Variants in SHC3 observed in about 807,000 individuals in gnomAD.
SHC3 encodes SHC-transforming protein 3.
In SHC3, 15 loss-of-function variants were observed where a neutral mutation model predicts 60.4. That is an observed-to-expected ratio of 0.25 (90% CI 0.17 to 0.38). The LOEUF (loss-of-function observed/expected upper bound fraction) is 0.38. Ranked by LOEUF, SHC3 falls within the 10% of genes least tolerant of loss-of-function variation. The pLI, the probability that SHC3 is intolerant of heterozygous loss-of-function variation, is 1.00. For synonymous variants in SHC3, 294 were observed against 325.9 expected, an observed-to-expected ratio of 0.90 and a Z score of 1.05; for missense variants, 677 against 786.1, an observed-to-expected ratio of 0.86 and a Z score of 1.66.
At chr9:89,173,896 G>A (rs725764) in intron 1 of SHC3, among the ~76,000 whole-genome samples, 18,955 of 152,016 alleles carry the variant, frequency 0.12, 1,342 homozygotes, top group Admixed American at 0.17. Context: ...AGATATTTAC[G>A]TGTAAGCCAT....
chr9:89,123,213 A>G (rs1393470102), intron 1 of SHC3, among the ~76,000 whole-genome samples: 2 of 152,240 alleles, frequency 1.3e-5, no homozygotes, highest in Non-Finnish European at 2.9e-5. Flanking sequence ...TTGTTTAAAC[A>G]TGTTGTAAAA....
intron 1 of SHC3, among the ~76,000 whole-genome samples, chr9:89,146,558 T>A (rs1826472841): frequency 6.6e-6 from 1 of 152,090 alleles, no homozygotes; most frequent in Non-Finnish European, 1.5e-5. Context: ...AGGAATAGAC[T>A]GGAAGTAAAA....
At chr9:89,042,241 C>G (rs1824701044) in intron 9 of SHC3, 57 bp from the exon 10 acceptor site, 1 of 1,465,244 alleles carries the variant, frequency 6.8e-7, no homozygotes, top group African/African-American at 1.4e-5. Context: ...TTCAAGCCAC[C>G]CAGCCTTTCA....
chr9:89,037,236 G>A, intron 11 of SHC3: 1 of 436,926 alleles, frequency 2.3e-6, no homozygotes, highest in Non-Finnish European at 4.0e-6. Flanking sequence ...TGAGACAAAG[G>A]CTTCATCCCT....
At chr9:89,073,129 A>G (rs1195832641) in intron 4 of SHC3, among the ~76,000 whole-genome samples, 2 of 152,226 alleles carry the variant, frequency 1.3e-5, no homozygotes, top group African/African-American at 4.8e-5. Context: ...CCACCAGGAA[A>G]TGATAAACTA....
chr9:89,171,679 C>G lies in SHC3; in HGVS notation c.474+6308G>C, dbSNP rs1031951829. Among the ~76,000 whole-genome samples, 5 of 152,210 alleles carry G rather than the reference C, an allele frequency of 3.3e-5. 1 individual carries two copies. Among genetic ancestry groups the G allele is most frequent in the South Asian group, 2.1e-4 (1 of 4,832 alleles). ...TTTTGAGGAGCTTCAGATATCCAGACAGCTGCTGAGGCATCAGGCACCTGG... is the reference window on the plus strand; with the variant it reads ...TTTTGAGGAGCTTCAGATATCCAGAGAGCTGCTGAGGCATCAGGCACCTGG... On this transcript the variant is annotated intron_variant, in intron 1 of 11. Transcript: ENST00000375835.
intron 11 of SHC3, among the ~76,000 whole-genome samples, chr9:89,022,161 C>G (rs973302444): frequency 6.6e-6 from 1 of 152,106 alleles, no homozygotes; most frequent in African/African-American, 2.4e-5. Flanking sequence ...GGACCATGAT[C>G]TTAGCCAAGA....
At position 89,126,204 on chromosome 9, in the gene SHC3, C is replaced by A. The variant is rs189173888; in HGVS notation, c.475-13578G>T. Among the ~76,000 whole-genome samples the A allele has an allele frequency of 7.6e-4, 115 of 152,192 alleles. No homozygotes were observed. In the East Asian group the frequency reaches 0.018, roughly 24 times the overall value. ...GTAAAGGATGAGATAGGGTTAGAGA[C>A]CCAACTTAGAGGAGCTAGAGACTCT... On this transcript the variant is annotated intron_variant, in intron 1 of 11. Transcript: ENST00000375835.
At chr9:89,034,132 T>TA (rs1824534416) in intron 11 of SHC3, among the ~76,000 whole-genome samples, 1 of 152,196 alleles carries the variant, frequency 6.6e-6, no homozygotes, top group African/African-American at 2.4e-5. Context: ...ATTAACAATT[T>TA]AAAAAACAAT....
intron 4 of SHC3, among the ~76,000 whole-genome samples, chr9:89,072,613 G>C (rs1322520332): frequency 6.6e-6 from 1 of 152,190 alleles, no homozygotes; most frequent in Non-Finnish European, 1.5e-5. Context: ...AGTAGACACT[G>C]AGTAAATTAG....
At chr9:89,109,338 C>T (rs1411789812) in intron 2 of SHC3, 1 of 915,268 alleles carries the variant, frequency 1.1e-6, no homozygotes, top group African/African-American at 1.8e-5. Context: ...TGGTTGGCCC[C>T]TCCCTTTCAG....
chr9:89,132,226 A>G (rs1826256921), intron 1 of SHC3, among the ~76,000 whole-genome samples: 3 of 152,348 alleles, frequency 2.0e-5, no homozygotes, highest in Non-Finnish European at 2.9e-5. Flanking sequence ...CTCTTCAAGG[A>G]GAACTACAAA....
intron 1 of SHC3, among the ~76,000 whole-genome samples, chr9:89,127,328 G>A (rs572078988): frequency 6.6e-6 from 1 of 152,112 alleles, no homozygotes; most frequent in Non-Finnish European, 1.5e-5. Flanking sequence ...AGAAATATTG[G>A]CAGTTTGGCA....
intron 1 of SHC3, among the ~76,000 whole-genome samples, chr9:89,161,173 C>T (rs969898353): frequency 6.6e-6 from 1 of 152,156 alleles, no homozygotes; most frequent in African/African-American, 2.4e-5. Flanking sequence ...GGTGGGGCCT[C>T]GTAGGACCCC....
At chr9:89,084,587 C>G (rs1010959928) in intron 2 of SHC3, among the ~76,000 whole-genome samples, 1 of 152,220 alleles carries the variant, frequency 6.6e-6, no homozygotes, top group Non-Finnish European at 1.5e-5. Context: ...GGCATCTTCA[C>G]TGGACAGATC....
At chr9:89,114,129 T>C (rs1271102629) in intron 1 of SHC3, among the ~76,000 whole-genome samples, 1 of 152,102 alleles carries the variant, frequency 6.6e-6, no homozygotes, top group Admixed American at 6.6e-5. Flanking sequence ...TGTCATAGAA[T>C]TGTGGGAATA....
chr9:89,158,138 G>A (rs1011433839), intron 1 of SHC3, among the ~76,000 whole-genome samples: 20 of 151,452 alleles, frequency 1.3e-4, no homozygotes, highest in Admixed American at 1.3e-3. Context: ...GTAAGCATTT[G>A]GTGCTATAAA....
chr9:89,032,669 C>T (rs921204766), intron 11 of SHC3, among the ~76,000 whole-genome samples: 3 of 152,112 alleles, frequency 2.0e-5, no homozygotes, highest in East Asian at 3.9e-4. Context: ...TCAGAAGATG[C>T]CCCACGCAGC....
chr9:89,034,348 T>A (rs906688025), intron 11 of SHC3, among the ~76,000 whole-genome samples: 1 of 152,182 alleles, frequency 6.6e-6, no homozygotes, highest in Non-Finnish European at 1.5e-5. Flanking sequence ...AATGGATGAA[T>A]GAAATTTTTT....
Sources: allele counts gnomAD v4.1 joint callset (sites outside exome capture counted in the v4.1 genomes callset), GRCh38; gene constraint gnomAD v4.1.1; transcripts MANE v1.5; gene names NCBI Gene and HGNC (gene_info 2026-07-23, HGNC 2026-07-21).